The following PRICKLE3 variants were observed in gnomAD, a reference collection of about 807,000 sequenced individuals.
PRICKLE3 encodes the protein LIM domain only protein 6.
In PRICKLE3, 17 loss-of-function variants were observed where a neutral mutation model predicts 33.8. The observed-to-expected ratio is 0.50, with a 90% CI of 0.34 to 0.75. The LOEUF (loss-of-function observed/expected upper bound fraction) is 0.75. Ranked by LOEUF, PRICKLE3 falls within the 30% of genes least tolerant of loss-of-function variation. The pLI is 0.01. For synonymous variants in PRICKLE3, 211 were observed against 219.6 expected (o/e 0.96, Z 0.34); for missense variants, 573 against 576.7 (o/e 0.99, Z 0.07).
rs1557099926 is a variant in PRICKLE3 at position 49,176,090 on chromosome X, G to A, written c.1431C>T (p.Arg477=). 7 of 1,207,389 alleles carry A rather than the reference G, an allele frequency of 5.8e-6. No individual in the cohort carries two copies. In the East Asian group the frequency reaches 1.2e-4, roughly 20 times the overall value. The part of the protein sequence containing the change: ...GRQSTPRVSF[R]DPLVSEGGPR... ...GGCCTCCTTCAGACACCAGAGGGTCGCGGAAGCTGACGCGTGGGGTGCTCT... is the reference window on the plus strand; with the variant it reads ...GGCCTCCTTCAGACACCAGAGGGTCACGGAAGCTGACGCGTGGGGTGCTCT... The change falls in exon 9 of 9, where the codon CGC becomes CGT. Residue 477 remains arginine, a synonymous_variant. Coordinates refer to ENST00000599218, the MANE Select transcript of PRICKLE3 (RefSeq NM_006150.5).
intron 2 of PRICKLE3, 95 bp downstream of exon 2, chrX:49,184,530 G>A (rs2065473159): frequency 1.1e-5 from 9 of 800,720 alleles, no homozygotes; most frequent in African/African-American, 2.2e-5. Flanking sequence ...CTCTGTAGGC[G>A]GAGCTCAAGC....
intron 3 of PRICKLE3, among the ~76,000 whole-genome samples, chrX:49,181,458 A>G (rs1377359549): frequency 8.5e-5 from 8 of 93,845 alleles, no homozygotes; most frequent in Non-Finnish European, 1.7e-4. Context: ...TATACGTAAA[A>G]TAATTATTTT....
At chrX:49,180,674 C>T (rs1389419910) in intron 3 of PRICKLE3, among the ~76,000 whole-genome samples, 10 of 111,664 alleles carry the variant, frequency 9.0e-5, no homozygotes, top group African/African-American at 3.3e-4. Context: ...CCTGTTTTGG[C>T]TCCTCCTCAA....
In PRICKLE3 at chrX:49,183,841, T is replaced by C. The variant is rs782798124; in HGVS notation, c.205A>G (p.Met69Val). ...HAVPVDLERIMCRLISDFQRH... is the reference protein window; with the variant it reads ...HAVPVDLERIVCRLISDFQRH... ...TGGAAGTCCGAGATTAGCCGACACA[T>C]GATGCGTTCCAGGTCCACAGGCACC... The change falls in exon 3 of 9, where the codon ATG becomes GTG. Residue 69 changes from methionine to valine, a missense_variant. Coordinates refer to ENST00000599218, the MANE Select transcript of PRICKLE3 (RefSeq NM_006150.5). The C allele has an allele frequency of 1.7e-6, 2 of 1,211,039 alleles. No individual in the cohort carries two copies. The highest frequency in any genetic ancestry group is 2.2e-6 in the Non-Finnish European group (2 of 895,251).
intron 3 of PRICKLE3, 174 bp downstream of exon 3, chrX:49,183,560 A>C (rs1271613678): frequency 9.6e-7 from 1 of 1,045,109 alleles, no homozygotes; most frequent in Non-Finnish European, 1.3e-6. Flanking sequence ...CAGTCACCCA[A>C]GGTATGGGGG....
chrX:49,176,125 A>C lies in PRICKLE3; in HGVS notation c.1396T>G (p.Phe466Val). ...QPNLRPDDSAFGRQSTPRVSF... is the reference protein window; with the variant it reads ...QPNLRPDDSAVGRQSTPRVSF... ...ACGCGTGGGGTGCTCTGACGACCGA[A>C]GGCACTATCATCTGGGCGCAGGTTA... The change falls in exon 9 of 9, where the codon TTC becomes GTC. Residue 466 changes from phenylalanine (F) to valine (V), a missense_variant. Physicochemically the swap from Phe to Val is conservative, Grantham distance 50. Transcript: ENST00000599218. 1 of 1,206,522 alleles carries C rather than the reference A, an allele frequency of 8.3e-7. No homozygotes were observed. The highest frequency in any genetic ancestry group is 1.8e-5 in the South Asian group (1 of 56,519).
At position 49,175,822 on chromosome X, in the gene PRICKLE3, G is replaced by A. The variant is rs782786270; in HGVS notation, c.1699C>T (p.Arg567Cys). The A allele has an allele frequency of 1.7e-5, 21 of 1,210,764 alleles. No homozygotes were observed. In the South Asian group the frequency reaches 3.0e-4, roughly 17 times the overall value. ...SEDDGFFLGE[R>C]IPLPPHLCRP... Reference sequence around the variant, plus strand: ...CACAAATGCGGGGGCAGAGGGATGCGCTCTCCTAGGAAGAAGCCATCATCC... The same window carrying A: ...CACAAATGCGGGGGCAGAGGGATGCACTCTCCTAGGAAGAAGCCATCATCC... The change falls in exon 9 of 9, where the codon CGC (arginine) becomes TGC (cysteine). Residue 567 changes from arginine (R) to cysteine (C), a missense_variant. Physicochemically the swap from Arg to Cys is radical, Grantham distance 180. Transcript: ENST00000599218.
chrX:49,181,656 T>C (rs2065457201), intron 3 of PRICKLE3, among the ~76,000 whole-genome samples: 1 of 95,367 alleles, frequency 1.0e-5, no homozygotes, highest in Non-Finnish European at 2.1e-5. Context: ...TATTAAATAA[T>C]TATTTATTAA....
At chrX:49,178,220 C>T in intron 6 of PRICKLE3, 41 bp from the exon 7 acceptor site, 1 of 1,198,353 alleles carries the variant, frequency 8.3e-7, no homozygotes, top group Non-Finnish European at 1.1e-6. Context: ...GATGAGCCTG[C>T]TCCTGGCCCT....
At chrX:49,181,153 A>C (rs1557100914) in intron 3 of PRICKLE3, among the ~76,000 whole-genome samples, 1 of 109,729 alleles carries the variant, frequency 9.1e-6, no homozygotes, top group Non-Finnish European at 1.9e-5. Context: ...AGATAGCTTG[A>C]GCCCAGGAGT....
At position 49,183,889 on chromosome X, in the gene PRICKLE3, G is replaced by A. The variant is rs2065470015; in HGVS notation, c.157C>T (p.Arg53Trp). 3 of 1,206,446 alleles carry A rather than the reference G, an allele frequency of 2.5e-6. No homozygotes were observed. Among genetic ancestry groups the A allele is most frequent in the East Asian group, 3.0e-5 (1 of 33,679 alleles). ...RKICQHCKCP[R>W]EEHAVHAVPV... ...ACCGCGTGCACTGCATGCTCCTCCCGCGGGCATTTGCAATGCTGGCAGATC... is the reference window on the plus strand; with the variant it reads ...ACCGCGTGCACTGCATGCTCCTCCCACGGGCATTTGCAATGCTGGCAGATC... Residue 53 changes from arginine to tryptophan, a missense_variant, in exon 3 of 9, where the codon CGG becomes TGG. Physicochemically the swap from Arg to Trp is moderately radical, Grantham distance 101. Transcript: ENST00000599218.
chrX:49,174,881 G>A lies in PRICKLE3; in HGVS notation c.*792C>T, dbSNP rs1326185658. The A allele has an allele frequency of 8.1e-6, 4 of 494,508 alleles. No homozygotes were observed. Among genetic ancestry groups the A allele is most frequent in the Admixed American group, 2.8e-5 (1 of 35,106 alleles). The allele number at this position is 494,508 out of a possible 1,213,427, so 40.8% of individuals were successfully genotyped here. ...ACCCTCCTGGGTGTGGCCACCATAT[G>A]TGTGTGCCTAGGTCCTCCTTCTGCA... On this transcript the variant is annotated 3_prime_UTR_variant, in exon 9 of 9. Coordinates refer to ENST00000599218, the MANE Select transcript of PRICKLE3 (RefSeq NM_006150.5).
At position 49,175,796 on chromosome X, in the gene PRICKLE3, G is replaced by A; in HGVS notation, c.1725C>T (p.Cys575=). The change falls in exon 9 of 9, where the codon TGC becomes TGT. Residue 575 remains cysteine (C), a synonymous_variant. Coordinates refer to ENST00000599218, the MANE Select transcript of PRICKLE3 (RefSeq NM_006150.5). ...GERIPLPPHL[C]RPMPAQDTAM... Reference sequence around the variant, plus strand: ...CAGTGTCCTGAGCAGGCATGGGCCTGCACAAATGCGGGGGCAGAGGGATGC... The same window carrying A: ...CAGTGTCCTGAGCAGGCATGGGCCTACACAAATGCGGGGGCAGAGGGATGC... The A allele has an allele frequency of 2.5e-6, 3 of 1,212,148 alleles. No individual in the cohort carries two copies. The highest frequency in any genetic ancestry group is 1.8e-5 in the South Asian group (1 of 57,053).
At chrX:49,184,404 C>G (rs2065472377) in intron 2 of PRICKLE3, among the ~76,000 whole-genome samples, 1 of 108,556 alleles carries the variant, frequency 9.2e-6, no homozygotes, top group African/African-American at 3.4e-5. Context: ...CGGGAGAACA[C>G]TTCTGGGGGC....
In PRICKLE3 at chrX:49,183,867, G is replaced by C. The variant is rs1226845097; in HGVS notation, c.179C>G (p.Ala60Gly). ...GATGCGTTCCAGGTCCACAGGCACCGCGTGCACTGCATGCTCCTCCCGCGG... is the reference window on the plus strand; with the variant it reads ...GATGCGTTCCAGGTCCACAGGCACCCCGTGCACTGCATGCTCCTCCCGCGG... ...KCPREEHAVH[A>G]VPVDLERIMC... The change falls in exon 3 of 9, where the codon GCG becomes GGG. Residue 60 changes from alanine to glycine, a missense_variant. Physicochemically the swap from Ala to Gly is moderately conservative, Grantham distance 60. Coordinates refer to ENST00000599218, the MANE Select transcript of PRICKLE3 (RefSeq NM_006150.5). 1 of 1,209,626 alleles carries C rather than the reference G, an allele frequency of 8.3e-7. No individual in the cohort carries two copies. The highest frequency in any genetic ancestry group is 1.1e-6 in the Non-Finnish European group (1 of 894,871).
rs1447686365 is a variant in PRICKLE3, at chrX:49,179,158, GGCCTCATCTTCCCAGT to G, written c.564+77_564+92del. On this transcript the variant is annotated intron_variant, in intron 5 of 8. Coordinates refer to ENST00000599218, the MANE Select transcript of PRICKLE3 (RefSeq NM_006150.5). ...ACACCTCACTGGGGCTTAAGTGGCA[GGCCTCATCTTCCCAGT>G]GCTTGGAAGATGTGTCCTGCTCCCC... is the stretch of plus-strand genomic sequence containing the variant. The G allele has an allele frequency of 3.1e-5, 33 of 1,069,417 alleles. No homozygotes were observed. The South Asian group carries it at 7.1e-4, about 23-fold the overall frequency. The allele number at this position is 1,069,417 out of a possible 1,213,427, so 88.1% of individuals were successfully genotyped here. A position where few individuals can be genotyped will look rare whatever the true frequency, so the allele number is the denominator to read the frequency against.
In PRICKLE3 at chrX:49,176,135, A is replaced by T; in HGVS notation, c.1386T>A (p.Asp462Glu). The change falls in exon 9 of 9, where the codon GAT (aspartate) becomes GAA (glutamate). Residue 462 changes from aspartate (D) to glutamate (E), a missense_variant. Coordinates refer to ENST00000599218, the MANE Select transcript of PRICKLE3 (RefSeq NM_006150.5). ...TGCTCTGACGACCGAAGGCACTATC[A>T]TCTGGGCGCAGGTTAGGCTGGCCGG... ...ESPGQPNLRP[D>E]DSAFGRQSTP... 8 of 1,204,682 alleles carry T rather than the reference A, an allele frequency of 6.6e-6. No individual in the cohort carries two copies. The highest frequency in any genetic ancestry group is 9.0e-6 in the Non-Finnish European group (8 of 892,695).
chrX:49,176,685 AG>A (rs1209665251), intron 8 of PRICKLE3, among the ~76,000 whole-genome samples: 1 of 108,691 alleles, frequency 9.2e-6, no homozygotes, highest in Non-Finnish European at 1.9e-5. Context: ...CTGTATTGAC[AG>A]GGTGGAACCA....
chrX:49,180,324 G>C, intron 3 of PRICKLE3, among the ~76,000 whole-genome samples: 1 of 110,946 alleles, frequency 9.0e-6, no homozygotes, highest in East Asian at 2.8e-4. Context: ...GAGCCACCGC[G>C]CCCAGTCTAC....
Sources: allele counts gnomAD v4.1 joint callset (sites outside exome capture counted in the v4.1 genomes callset), GRCh38; gene constraint gnomAD v4.1.1; transcripts MANE v1.5; gene names NCBI Gene and HGNC (gene_info 2026-07-23, HGNC 2026-07-21).